The following ADCY3 variants were observed in gnomAD, a reference collection of about 807,000 sequenced individuals.
ADCY3 encodes the protein adenylate cyclase 3.
A neutral mutation model predicts 119.4 loss-of-function variants in ADCY3; 70 were observed. That is an observed-to-expected ratio of 0.59 (90% CI 0.48 to 0.72). The LOEUF (loss-of-function observed/expected upper bound fraction) is 0.72, where lower values mean the gene tolerates loss of function less well. ADCY3 is among the 30% of genes least tolerant of loss of function. ADCY3 has a pLI of 0.00. For synonymous variants in ADCY3, 672 were observed against 621.4 expected (o/e 1.08, Z -1.21); for missense variants, 1,238 against 1,541.6 (o/e 0.80, Z 3.30).
At chr2:24,836,828 A>G in intron 9 of ADCY3, 89 bp downstream of exon 9, 2 of 1,521,462 alleles carry the variant, frequency 1.3e-6, no homozygotes, top group African/African-American at 1.4e-5. Context: ...TCTCCCCAGC[A>G]CAGGACTCCT....
intron 13 of ADCY3, 47 bp downstream of exon 13, chr2:24,830,662 C>G (rs1270891690): frequency 2.0e-6 from 3 of 1,474,368 alleles, no homozygotes; most frequent in Non-Finnish European, 2.8e-6. Flanking sequence ...AAGCCCTTCT[C>G]CACTGAGAAC....
chr2:24,842,839 G>A lies in ADCY3; in HGVS notation c.826-455C>T, dbSNP rs1007414020. On this transcript the variant is annotated intron_variant, in intron 3 of 21. Transcript: ENST00000679454. The surrounding 1 kb of genome is among the most constrained non-coding windows in gnomAD (Gnocchi z 4.9). ...CAGCAGACCAGGCACTACACGAGGC[G>A]CCAGCGACACAAAACCAGCAAGAAC... 1.3e-5 allele frequency among the ~76,000 whole-genome samples: 2 copies of A among 152,218 alleles called. No homozygotes were observed. The highest frequency in any genetic ancestry group is 2.1e-4 in the South Asian group (1 of 4,834).
chr2:24,837,236 A>G (rs543934627), intron 8 of ADCY3, among the ~76,000 whole-genome samples, 191 bp from the exon 9 acceptor site: 2 of 152,338 alleles, frequency 1.3e-5, no homozygotes, highest in East Asian at 3.8e-4. Flanking sequence ...TTGTTAATAA[A>G]AGGATGGAAC....
At chr2:24,823,015 G>A (rs1252601220) in intron 18 of ADCY3, among the ~76,000 whole-genome samples, 194 bp downstream of exon 18, 1 of 152,212 alleles carries the variant, frequency 6.6e-6, no homozygotes, top group African/African-American at 2.4e-5. Context: ...CCCTGTGGGT[G>A]ATTTCCCGGG....
At chr2:24,888,442 G>A (rs140704779) in intron 2 of ADCY3, among the ~76,000 whole-genome samples, 162 of 152,314 alleles carry the variant, frequency 1.1e-3, no homozygotes, top group Non-Finnish European at 1.1e-3. Flanking sequence ...TGAACTGACC[G>A]ACTACCTCCC....
chr2:24,835,660 G>C (rs1379284054), intron 9 of ADCY3, among the ~76,000 whole-genome samples: 1 of 152,160 alleles, frequency 6.6e-6, no homozygotes, highest in African/African-American at 2.4e-5. Context: ...CTGGGGCCGG[G>C]CACGGTGACT....
At chr2:24,858,518 A>C (rs1456040061) in intron 3 of ADCY3, among the ~76,000 whole-genome samples, 1 of 152,232 alleles carries the variant, frequency 6.6e-6, no homozygotes, top group Non-Finnish European at 1.5e-5. Context: ...CTCATTATTA[A>C]ATGAAATAAT....
At chr2:24,916,577 G>A (rs1664484160) in intron 2 of ADCY3, among the ~76,000 whole-genome samples, 1 of 152,234 alleles carries the variant, frequency 6.6e-6, no homozygotes, top group Non-Finnish European at 1.5e-5. Context: ...AGCTACTCAG[G>A]AGGCTAAGGC....
At chr2:24,857,516 A>G (rs1673149838) in intron 3 of ADCY3, among the ~76,000 whole-genome samples, 1 of 152,276 alleles carries the variant, frequency 6.6e-6, no homozygotes, top group Non-Finnish European at 1.5e-5. Flanking sequence ...AAATGTGGCT[A>G]GTGCTACTGA....
At chr2:24,846,620 C>T (rs1553341991) in intron 3 of ADCY3, among the ~76,000 whole-genome samples, 3 of 151,808 alleles carry the variant, frequency 2.0e-5, no homozygotes, top group Non-Finnish European at 2.9e-5. Context: ...CTCTTGTCCC[C>T]CAGGCTGGAA....
At chr2:24,828,222 G>A in intron 13 of ADCY3, 61 bp from the exon 14 acceptor site, 1 of 1,593,044 alleles carries the variant, frequency 6.3e-7, no homozygotes, top group South Asian at 1.1e-5. Context: ...GCTGGTCACA[G>A]AGGGCTGTGC....
intron 2 of ADCY3, chr2:24,877,836 T>A (rs1675904714): frequency 2.1e-6 from 1 of 467,870 alleles, no homozygotes; most frequent in Non-Finnish European, 4.4e-6. Context: ...CAGCTGGCGC[T>A]CGAAGCCTTA....
chr2:24,891,333 C>A (rs986151324), intron 2 of ADCY3, among the ~76,000 whole-genome samples: 5 of 152,100 alleles, frequency 3.3e-5, no homozygotes, highest in African/African-American at 1.2e-4. Context: ...AACTCTAGTA[C>A]AATTTTGCTC....
chr2:24,902,700 C>T (rs996919745), intron 2 of ADCY3, among the ~76,000 whole-genome samples: 9 of 152,044 alleles, frequency 5.9e-5, no homozygotes, highest in African/African-American at 2.2e-4. Flanking sequence ...CAGATGAAGA[C>T]CTTTTGATGA....
At chr2:24,915,271 A>G (rs538393012) in intron 2 of ADCY3, among the ~76,000 whole-genome samples, 1 of 152,312 alleles carries the variant, frequency 6.6e-6, no homozygotes, top group African/African-American at 2.4e-5. Flanking sequence ...GATGGGAGAG[A>G]GAAAGACAAG....
chr2:24,837,140 T>C, intron 8 of ADCY3, 95 bp from the exon 9 acceptor site: 1 of 1,388,400 alleles, frequency 7.2e-7, no homozygotes, highest in Non-Finnish European at 9.7e-7. Context: ...GCGGTGGGAT[T>C]AGAGAGCAAT....
chr2:24,830,548 C>T (rs544880560), intron 13 of ADCY3, among the ~76,000 whole-genome samples, 161 bp downstream of exon 13: 11 of 152,182 alleles, frequency 7.2e-5, no homozygotes, highest in Non-Finnish European at 1.5e-4. Flanking sequence ...GGACAAGACT[C>T]CTTCCACTAG....
Position 24,872,912 on chromosome 2 carries a change from G to C in ADCY3, c.676-193C>G, listed in dbSNP as rs926211659. ...AGACACCACCACATGTACCACGGAT[G>C]GGTGGTCCACCCAGGGGCATGGCTC... On this transcript the variant is annotated intron_variant, in intron 2 of 21. Transcript: ENST00000679454. The surrounding 1 kb of genome is among the most constrained non-coding windows in gnomAD (Gnocchi z 4.4). 7.9e-5 allele frequency among the ~76,000 whole-genome samples: 12 copies of C among 152,206 alleles called. No individual in the cohort carries two copies. Among genetic ancestry groups the C allele is most frequent in the African/African-American group, 2.9e-4 (12 of 41,460 alleles).
At position 24,842,132 on chromosome 2, in the gene ADCY3, G is replaced by T. The variant is rs904245174; in HGVS notation, c.956+122C>A. 2.6e-5 allele frequency: 36 copies of T among 1,377,814 alleles called. No homozygotes were observed. The African/African-American group carries it at 4.9e-4, about 19-fold the overall frequency. 85.3% of individuals were successfully genotyped at this position (1,377,814 alleles called of 1,614,324 possible). A position where few individuals can be genotyped will look rare whatever the true frequency, so the allele number is the denominator to read the frequency against. The stretch of plus-strand genomic sequence containing the variant: ...CTCCGCCAGGCTGATGAATGCTGTG[G>T]GAGGCCTTGCTTCTAGTCCCTGGAA... On this transcript the variant is annotated intron_variant, in intron 4 of 21. Transcript: ENST00000679454. The surrounding 1 kb of genome is among the most constrained non-coding windows in gnomAD (Gnocchi z 4.9).
Sources: allele counts gnomAD v4.1 joint callset (sites outside exome capture counted in the v4.1 genomes callset), GRCh38; gene constraint gnomAD v4.1.1; non-coding constraint Gnocchi (gnomAD v3.1); transcripts MANE v1.5; gene names NCBI Gene and HGNC (gene_info 2026-07-23, HGNC 2026-07-21).